The following UPF3A variants were observed in gnomAD, a reference collection of about 807,000 sequenced individuals.
UPF3A encodes regulator of nonsense transcripts 3A.
Under a neutral mutation model 53.5 loss-of-function variants are expected in UPF3A, and 42 were observed. The ratio of observed to expected loss-of-function variants is 0.78; its 90% CI spans 0.61 to 1.01. The LOEUF (loss-of-function observed/expected upper bound fraction) is 1.01, where lower values mean the gene tolerates loss of function less well. UPF3A is among the 50% of genes least tolerant of loss of function. The probability of loss-of-function intolerance (pLI) is 0.00; values close to 1 mark genes in which losing one functional copy is unlikely to be tolerated. For synonymous variants in UPF3A, 237 were observed against 225.3 expected (o/e 1.05, Z -0.47); for missense variants, 575 against 598.0 (o/e 0.96, Z 0.40).
chr13:114,304,820 G>C lies in UPF3A; in HGVS notation c.1334G>C (p.Gly445Ala). The C allele has an allele frequency of 6.2e-7, 1 of 1,613,764 alleles. No homozygotes were observed. The highest frequency in any genetic ancestry group is 8.5e-7 in the Non-Finnish European group (1 of 1,179,786). The change falls in exon 10 of 10, where the codon GGA becomes GCA. Residue 445 changes from glycine (G) to alanine (A), a missense_variant. Coordinates refer to ENST00000375299, the MANE Select transcript of UPF3A (RefSeq NM_023011.4). ...CCAGCCTTGCAGCTGTATGATCCAG[G>C]AGCTCGCTTCCGAGCGCGAGAGTGT... ...DRPALQLYDP[G>A]ARFRARECGG...
At chr13:114,302,072 T>A in intron 9 of UPF3A, 47 bp downstream of exon 9, 1 of 1,468,242 alleles carries the variant, frequency 6.8e-7, no homozygotes. Context: ...TGTCTTAAGG[T>A]CCAGGCTGCA....
chr13:114,283,230 G>T, intron 3 of UPF3A: 1 of 234,046 alleles, frequency 4.3e-6, no homozygotes, highest in Non-Finnish European at 8.3e-6. Flanking sequence ...GTGTTGCCCA[G>T]GCTGGTCTTG....
intron 5 of UPF3A, chr13:114,286,925 G>C (rs1185090138): frequency 3.6e-6 from 1 of 278,396 alleles, no homozygotes; most frequent in Non-Finnish European, 6.8e-6. Flanking sequence ...CTGAGCGTCA[G>C]GGAAGGCATG....
intron 7 of UPF3A, among the ~76,000 whole-genome samples, chr13:114,297,553 C>T (rs1319045359): frequency 6.6e-6 from 1 of 152,106 alleles, no homozygotes; most frequent in African/African-American, 2.4e-5. Flanking sequence ...CACTATTGGC[C>T]GGGCATGGTG....
chr13:114,286,400 G>A lies in UPF3A; in HGVS notation c.520G>A (p.Asp174Asn). The A allele has an allele frequency of 6.2e-7, 1 of 1,613,814 alleles. No individual in the cohort carries two copies. Among genetic ancestry groups the A allele is most frequent in the Non-Finnish European group, 8.5e-7 (1 of 1,180,036 alleles). Residue 174 changes from aspartate (D) to asparagine (N), a missense_variant and splice_region_variant, in exon 4 of 10, where the codon GAT (aspartate) becomes AAT (asparagine). Around this residue, in one of 2 missense-constraint regions of UPF3A, gnomAD observed 323 missense variants for 415.2 expected, o/e 0.78. Coordinates refer to ENST00000375299, the MANE Select transcript of UPF3A (RefSeq NM_023011.4). ...KDAKTGSIED[D>N]PEYKKFLETY... is the part of the protein sequence containing the mutation. ...TGCCAAGACTGGAAGCATCGAAGAT[G>A]GTGAGCCCTTTCCAAGTGCTACGTT...
chr13:114,296,489 C>T (rs1254873312), intron 7 of UPF3A, among the ~76,000 whole-genome samples: 1 of 152,152 alleles, frequency 6.6e-6, no homozygotes, highest in African/African-American at 2.4e-5. Flanking sequence ...TACCCCATAC[C>T]CACCTTGTGC....
At chr13:114,294,699 C>T (rs1487166221) in intron 7 of UPF3A, among the ~76,000 whole-genome samples, 1 of 151,746 alleles carries the variant, frequency 6.6e-6, no homozygotes, top group Non-Finnish European at 1.5e-5. Context: ...GTGGCACACG[C>T]CTGTAGTCCC....
chr13:114,289,696 A>T (rs1008882084), intron 5 of UPF3A, among the ~76,000 whole-genome samples: 9 of 152,128 alleles, frequency 5.9e-5, no homozygotes, highest in African/African-American at 1.9e-4. Context: ...AGTCTGGTGC[A>T]TCGGCCTTTA....
chr13:114,290,032 C>G (rs1007095923), intron 5 of UPF3A, among the ~76,000 whole-genome samples: 2 of 152,136 alleles, frequency 1.3e-5, no homozygotes, highest in African/African-American at 4.8e-5. Flanking sequence ...ATAATTTGCC[C>G]ATTACAAAGA....
At chr13:114,293,003 C>T (rs922747323) in intron 7 of UPF3A, among the ~76,000 whole-genome samples, 1 of 141,902 alleles carries the variant, frequency 7.0e-6, no homozygotes, top group East Asian at 2.1e-4. Flanking sequence ...ACCCAGGGAG[C>T]AGAGGTTGCA....
At chr13:114,303,214 C>T (rs1195071220) in intron 9 of UPF3A, among the ~76,000 whole-genome samples, 1 of 152,166 alleles carries the variant, frequency 6.6e-6, no homozygotes, top group Non-Finnish European at 1.5e-5. Context: ...GCCTGGACCT[C>T]GGGGTGCACA....
rs1041171389 is a variant in UPF3A at position 114,281,747 on chromosome 13, C to T, written c.108C>T (p.Asp36=). The T allele has an allele frequency of 6.4e-7, 1 of 1,557,822 alleles. No homozygotes were observed. The highest frequency in any genetic ancestry group is 1.9e-5 in the Admixed American group (1 of 52,134). ...CCCTAGAAGTGCAGTTCCACCGCGA[C>T]TCGCAGCAGCAGGAGGCTGAGACGC... ...LSALEVQFHR[D]SQQQEAETPP... is the part of the protein sequence containing the mutation. The change falls in exon 1 of 10, where the codon GAC becomes GAT. Residue 36 remains aspartate, a synonymous_variant. Transcript: ENST00000375299.
In UPF3A at chr13:114,286,642, C is replaced by T. The variant is rs1377942021; in HGVS notation, c.631+13C>T. ...AGAGAGCTCATTGGTCTGTTTTGCT[C>T]ATTTCTTCTCTTTTCTTTATTGAGA... On this transcript the variant is annotated intron_variant, in intron 5 of 9. Coordinates refer to ENST00000375299, the MANE Select transcript of UPF3A (RefSeq NM_023011.4). The T allele has an allele frequency of 1.3e-6, 2 of 1,584,182 alleles. No individual in the cohort carries two copies. Among genetic ancestry groups the T allele is most frequent in the Non-Finnish European group, 8.6e-7 (1 of 1,164,480 alleles).
chr13:114,301,331 C>T (rs1594842127), intron 8 of UPF3A, among the ~76,000 whole-genome samples: 1 of 151,836 alleles, frequency 6.6e-6, no homozygotes, highest in Non-Finnish European at 1.5e-5. Context: ...GGCGTGGTCG[C>T]GGGCACCTGT....
intron 7 of UPF3A, among the ~76,000 whole-genome samples, chr13:114,295,122 A>AT (rs1555372965): frequency 6.6e-6 from 1 of 151,474 alleles, no homozygotes; most frequent in African/African-American, 2.4e-5. Context: ...AAAAAAAAAA[A>AT]AAAAAAGAAA....
intron 9 of UPF3A, among the ~76,000 whole-genome samples, chr13:114,303,602 A>G (rs1406439118): frequency 3.3e-5 from 5 of 152,134 alleles, no homozygotes; most frequent in African/African-American, 1.2e-4. Flanking sequence ...CCTGGCCAAC[A>G]TAGTGAAACC....
At chr13:114,292,090 CT>C (rs745358460) in intron 7 of UPF3A, among the ~76,000 whole-genome samples, 2,849 of 133,694 alleles carry the variant, frequency 0.021, 54 homozygotes, top group African/African-American at 0.052. Flanking sequence ...TGCTGACGCT[CT>C]TTTTTTTTTT....
intron 5 of UPF3A, among the ~76,000 whole-genome samples, chr13:114,288,665 G>C (rs868460980): frequency 2.6e-5 from 4 of 152,134 alleles, no homozygotes; most frequent in African/African-American, 7.2e-5. Flanking sequence ...ATAGACTGTG[G>C]ATGCCAAGAG....
At chr13:114,284,182 T>A (rs937137095) in intron 3 of UPF3A, 4 of 501,446 alleles carry the variant, frequency 8.0e-6, no homozygotes, top group Admixed American at 6.4e-5. Flanking sequence ...AGCAACAACG[T>A]GAAACCCTGT....
Sources: allele counts gnomAD v4.1 joint callset (sites outside exome capture counted in the v4.1 genomes callset), GRCh38; gene constraint gnomAD v4.1.1; regional missense constraint gnomAD v4.1.1; transcripts MANE v1.5; gene names NCBI Gene and HGNC (gene_info 2026-07-23, HGNC 2026-07-21).